GALNT16: variants seen among roughly 807,000 people sequenced by gnomAD.
The protein encoded by GALNT16 is UDP-GalNAc:polypeptide N-acetylgalactosaminyltransferase-like protein 1.
In GALNT16, 40 loss-of-function variants were observed where a neutral mutation model predicts 76.1. That is an observed-to-expected ratio of 0.53 (90% confidence interval 0.41 to 0.68). The LOEUF (loss-of-function observed/expected upper bound fraction) is 0.68. GALNT16 is among the 30% of genes least tolerant of loss of function. The pLI is 0.00. For synonymous variants in GALNT16, 276 were observed against 285.2 expected, an observed-to-expected ratio of 0.97 and a Z score of 0.32; for missense variants, 621 against 731.9, an observed-to-expected ratio of 0.85 and a Z score of 1.75.
chr14:69,365,651 C>T, the GALNT16 span, among the ~76,000 whole-genome samples: 3 of 152,066 alleles, frequency 2.0e-5, no homozygotes, highest in Admixed American at 2.0e-4. Context: ...GGGAGAGCAT[C>T]AGGAAGAATA....
Position 69,333,694 on chromosome 14 carries a change from T to A in GALNT16, c.967+94T>A. ...ACTTTCTATGCGTGAGGACCTGCTC[T>A]AAGGACTTTACACACATGAGGTCAT... On this transcript the variant is annotated intron_variant, in intron 9 of 14. Coordinates refer to ENST00000448469, the MANE Select transcript of GALNT16 (RefSeq NM_001168368.2). The surrounding 1 kb of genome is among the most constrained non-coding windows in gnomAD (Gnocchi z 4.2). The A allele has an allele frequency of 1.4e-6, 1 of 711,416 alleles. No homozygotes were observed. The highest frequency in any genetic ancestry group is 2.5e-6 in the Non-Finnish European group (1 of 399,698). 44.1% of individuals were successfully genotyped at this position (711,416 alleles called of 1,614,324 possible). A position where few individuals can be genotyped will look rare whatever the true frequency, so the allele number is the denominator to read the frequency against.
the GALNT16 span, among the ~76,000 whole-genome samples, chr14:69,371,813 G>A: frequency 1.6e-4 from 25 of 151,796 alleles, no homozygotes; most frequent in East Asian, 4.0e-4. Flanking sequence ...GCGTGGTGGC[G>A]TGAGCTTGTA....
chr14:69,275,826 C>T (rs2044464480), intron 1 of GALNT16, among the ~76,000 whole-genome samples: 1 of 152,228 alleles, frequency 6.6e-6, no homozygotes. Flanking sequence ...CATGCCACTG[C>T]ACTCCAGACT....
intron 1 of GALNT16, among the ~76,000 whole-genome samples, chr14:69,311,606 T>A (rs958499253): frequency 3.2e-4 from 49 of 152,226 alleles, no homozygotes; most frequent in African/African-American, 1.1e-3. Flanking sequence ...TGTGAGAGTA[T>A]AACCTAACCG....
Position 69,341,741 on chromosome 14 carries a change from G to T in GALNT16, c.1248G>T (p.Leu416=), listed in dbSNP as rs1310865402. ...ACTGCAAGTCCTTCCGCTGGTACCT[G>T]GAGAACGTCTACCCAGAGCTCACGT... ...KMNCKSFRWY[L]ENVYPELTVP... is the part of the protein sequence containing the mutation. Residue 416 remains leucine, a synonymous_variant, in exon 12 of 15, where the codon CTG becomes CTT. Coordinates refer to ENST00000448469, the MANE Select transcript of GALNT16 (RefSeq NM_001168368.2). 6.2e-7 allele frequency: 1 copy of T among 1,612,730 alleles called. No homozygotes were observed. Among genetic ancestry groups the T allele is most frequent in the South Asian group, 1.1e-5 (1 of 90,906 alleles).
intron 1 of GALNT16, among the ~76,000 whole-genome samples, chr14:69,274,167 C>T (rs563392225): frequency 6.6e-6 from 1 of 152,230 alleles, no homozygotes; most frequent in South Asian, 2.1e-4. Flanking sequence ...TGAGTTAATT[C>T]ACATCAAGAG....
chr14:69,342,359 G>A (rs1476878143), intron 12 of GALNT16, among the ~76,000 whole-genome samples: 1 of 150,996 alleles, frequency 6.6e-6, no homozygotes, highest in Admixed American at 6.6e-5. Context: ...CAAAAGGTAG[G>A]GGCTGCAGTG....
chr14:69,370,979 A>T, the GALNT16 span, among the ~76,000 whole-genome samples: 1 of 152,358 alleles, frequency 6.6e-6, no homozygotes, highest in Middle Eastern at 3.4e-3. Flanking sequence ...AAATAGCTTG[A>T]TACAATTTTA....
At chr14:69,329,348 C>T (rs907369672) in intron 6 of GALNT16, among the ~76,000 whole-genome samples, 1 of 151,938 alleles carries the variant, frequency 6.6e-6, no homozygotes, top group African/African-American at 2.4e-5. Flanking sequence ...CTGAGCGAGA[C>T]TCCATCTCAA....
rs1257818222 is a variant in GALNT16 at position 69,322,967 on chromosome 14, TGTGTGTGTGTGTGTGC to T, written c.336-1723_336-1708del. On this transcript the variant is annotated intron_variant, in intron 2 of 14. Coordinates refer to ENST00000448469, the MANE Select transcript of GALNT16 (RefSeq NM_001168368.2). ...GTGTGTGTGTGTGTGTGTGTGTGTG[TGTGTGTGTGTGTGTGC>T]GCGCGCACGCGCGCACGCATGCACA... is the stretch of plus-strand genomic sequence containing the variant. 1.2e-3 allele frequency among the ~76,000 whole-genome samples: 81 copies of T among 68,442 alleles called. 4 individuals are homozygous for T. Among genetic ancestry groups the T allele is most frequent in the African/African-American group, 0.01 (77 of 7,490 alleles). 44.9% of individuals were successfully genotyped at this position (68,442 alleles called of 152,430 possible).
intron 1 of GALNT16, among the ~76,000 whole-genome samples, chr14:69,278,211 G>A (rs1197354581): frequency 6.6e-6 from 1 of 152,050 alleles, no homozygotes; most frequent in Non-Finnish European, 1.5e-5. Flanking sequence ...GTCTCACTAT[G>A]TTACCCAGGC....
rs979044766 is a variant in GALNT16, at chr14:69,333,526, T to C, written c.893T>C (p.Val298Ala). 1.2e-6 allele frequency: 2 copies of C among 1,611,510 alleles called. No homozygotes were observed. The highest frequency in any genetic ancestry group is 1.7e-6 in the Non-Finnish European group (2 of 1,178,254). ...RTPVIAGGIF[V>A]IDKSWFNHLG... ...CCTGTCATAGCTGGAGGAATCTTCG[T>C]GATCGACAAGTCCTGGTTTAACCAC... The change falls in exon 9 of 15, where the codon GTG (valine) becomes GCG (alanine). Residue 298 changes from valine (V) to alanine (A), a missense_variant. Transcript: ENST00000448469. This position sits in a 1 kb window ranked among gnomAD's most constrained non-coding sequence, Gnocchi z 4.2.
chr14:69,380,446 C>A, the GALNT16 span: 141 of 676,636 alleles, frequency 2.1e-4, no homozygotes, highest in Non-Finnish European at 3.4e-4. Flanking sequence ...AAAGTGGAAA[C>A]AGGATTACTA....
At chr14:69,297,958 C>A (rs2044792117) in intron 1 of GALNT16, among the ~76,000 whole-genome samples, 1 of 152,218 alleles carries the variant, frequency 6.6e-6, no homozygotes, top group Non-Finnish European at 1.5e-5. Context: ...CGGTACTGTA[C>A]TCACCCCTAT....
At chr14:69,267,284 C>A (rs1228606383) in intron 1 of GALNT16, among the ~76,000 whole-genome samples, 2 of 152,164 alleles carry the variant, frequency 1.3e-5, no homozygotes, top group Admixed American at 6.5e-5. Context: ...ACATTTCAGA[C>A]CAGATAGGAG....
At chr14:69,274,308 A>T (rs1047514664) in intron 1 of GALNT16, among the ~76,000 whole-genome samples, 1 of 152,252 alleles carries the variant, frequency 6.6e-6, no homozygotes, top group Non-Finnish European at 1.5e-5. Flanking sequence ...GTTAATTTGT[A>T]TATTAGTTAT....
At chr14:69,316,055 T>C (rs2045095031) in intron 1 of GALNT16, among the ~76,000 whole-genome samples, 1 of 152,110 alleles carries the variant, frequency 6.6e-6, no homozygotes, top group Admixed American at 6.5e-5. Flanking sequence ...TGTCTAGAGG[T>C]GCAGTAATGA....
At chr14:69,313,191 T>C (rs1258817908) in intron 1 of GALNT16, among the ~76,000 whole-genome samples, 1 of 152,208 alleles carries the variant, frequency 6.6e-6, no homozygotes, top group Non-Finnish European at 1.5e-5. Flanking sequence ...TACTCTGGGC[T>C]ACAGCAGCTG....
At chr14:69,380,718 C>A in the GALNT16 span, 2 of 781,950 alleles carry the variant, frequency 2.6e-6, no homozygotes, top group Non-Finnish European at 2.3e-6. Context: ...TTATAACTGC[C>A]CAATGATGGC....
Sources: allele counts gnomAD v4.1 joint callset (sites outside exome capture counted in the v4.1 genomes callset), GRCh38; gene constraint gnomAD v4.1.1; non-coding constraint Gnocchi (gnomAD v3.1); transcripts MANE v1.5; gene names NCBI Gene and HGNC (gene_info 2026-07-23, HGNC 2026-07-21).